The following MCC variants were observed in gnomAD, a reference collection of about 807,000 sequenced individuals.
MCC encodes the protein MCC regulator of Wnt signaling pathway.
In MCC, 90 loss-of-function variants were observed where a neutral mutation model predicts 116.2. That is an observed-to-expected ratio of 0.77 (90% confidence interval 0.65 to 0.92). The LOEUF is 0.92. Ranked by LOEUF, MCC falls within the 40% of genes least tolerant of loss-of-function variation. The pLI is 0.00. For missense variants in MCC, 1,516 were observed against 1,312.2 expected (o/e 1.16, Z -2.40); for synonymous variants, 578 against 510.5 (o/e 1.13, Z -1.78).
At chr5:113,414,637 T>A (rs920989916) in intron 1 of MCC, among the ~76,000 whole-genome samples, 11 of 152,194 alleles carry the variant, frequency 7.2e-5, no homozygotes, top group Non-Finnish European at 1.6e-4. Context: ...CCTCCATCCC[T>A]TTATTTTGAG....
At chr5:113,476,761 G>T (rs1026471611) in intron 1 of MCC, among the ~76,000 whole-genome samples, 2 of 152,144 alleles carry the variant, frequency 1.3e-5, no homozygotes, top group African/African-American at 4.8e-5. Context: ...GGGAAATGAG[G>T]ATGACTGCTA....
At chr5:113,053,353 C>T (rs1349277574) in intron 15 of MCC, among the ~76,000 whole-genome samples, 1 of 152,162 alleles carries the variant, frequency 6.6e-6, no homozygotes, top group Non-Finnish European at 1.5e-5. Context: ...CTGTTCTCCC[C>T]CTGCCGGAGT....
chr5:113,257,867 G>A (rs962823448), intron 3 of MCC, among the ~76,000 whole-genome samples: 10 of 152,322 alleles, frequency 6.6e-5, no homozygotes, highest in African/African-American at 2.4e-4. Context: ...GTTCTATCTA[G>A]AGCACAGGTA....
At chr5:113,099,124 C>T (rs1236523838) in intron 8 of MCC, among the ~76,000 whole-genome samples, 1 of 152,166 alleles carries the variant, frequency 6.6e-6, no homozygotes, top group Non-Finnish European at 1.5e-5. Flanking sequence ...TTTTTGAGAT[C>T]TACACTCATC....
At chr5:113,228,344 C>A (rs1241618895) in intron 3 of MCC, among the ~76,000 whole-genome samples, 1 of 152,136 alleles carries the variant, frequency 6.6e-6, no homozygotes, top group Non-Finnish European at 1.5e-5. Flanking sequence ...CACACACACA[C>A]CACCCCCCGA....
Position 113,259,739 on chromosome 5 carries a change from TG to T in MCC, c.627+80779del, listed in dbSNP as rs373713480. Among the ~76,000 whole-genome samples, 78 of 152,186 alleles carry T rather than the reference TG, an allele frequency of 5.1e-4. No individual in the cohort carries two copies. The South Asian group carries it at 6.2e-3, about 12-fold the overall frequency. On this transcript the variant is annotated intron_variant, in intron 3 of 18. Coordinates refer to ENST00000408903, the MANE Select transcript of MCC (RefSeq NM_001085377.2). ...TTCCATTATTGGAACACTAAGCTTG[TG>T]GGAGTTATTTATATACTACTGCTCA...
intron 3 of MCC, among the ~76,000 whole-genome samples, chr5:113,203,883 G>A (rs1762798307): frequency 6.6e-6 from 1 of 152,140 alleles, no homozygotes; most frequent in Non-Finnish European, 1.5e-5. Flanking sequence ...TAATTTATAA[G>A]AAGGCTTTAA....
In MCC at chr5:113,067,958, A is replaced by T. The variant is rs1753737901; in HGVS notation, c.2029+122T>A. ...ATTCAGTCATGAGGAAAAACGAAAAACACACTTGACAACCAAATTTTGTGT... is the reference window on the plus strand; with the variant it reads ...ATTCAGTCATGAGGAAAAACGAAAATCACACTTGACAACCAAATTTTGTGT... On this transcript the variant is annotated intron_variant, in intron 13 of 18. Coordinates refer to ENST00000408903, the MANE Select transcript of MCC (RefSeq NM_001085377.2). 11 of 792,752 alleles carry T rather than the reference A, an allele frequency of 1.4e-5. No homozygotes were observed. In the South Asian group the frequency reaches 1.5e-4, roughly 11 times the overall value. The allele number at this position is 792,752 out of a possible 1,614,324, so 49.1% of individuals were successfully genotyped here.
intron 3 of MCC, among the ~76,000 whole-genome samples, chr5:113,232,121 A>G (rs1485925461): frequency 6.6e-6 from 1 of 152,208 alleles, no homozygotes; most frequent in Non-Finnish European, 1.5e-5. Context: ...ACTCTAAAAT[A>G]AAAGCAAAAA....
intron 3 of MCC, among the ~76,000 whole-genome samples, chr5:113,162,952 T>C (rs1029164948): frequency 6.6e-6 from 1 of 152,210 alleles, no homozygotes; most frequent in African/African-American, 2.4e-5. Flanking sequence ...ATTCAACACA[T>C]TGGAGCCTAG....
chr5:113,194,294 T>C (rs1013147227), intron 3 of MCC, among the ~76,000 whole-genome samples: 7 of 152,168 alleles, frequency 4.6e-5, no homozygotes, highest in Non-Finnish European at 8.8e-5. Context: ...CAAAACACTC[T>C]TGAGAAACGT....
At chr5:113,209,659 C>G (rs1185243756) in intron 3 of MCC, among the ~76,000 whole-genome samples, 1 of 152,158 alleles carries the variant, frequency 6.6e-6, no homozygotes, top group Non-Finnish European at 1.5e-5. Flanking sequence ...CAAGACACCA[C>G]TGAACTCAGA....
At chr5:113,348,991 C>G (rs1053774116) in intron 2 of MCC, among the ~76,000 whole-genome samples, 4 of 151,898 alleles carry the variant, frequency 2.6e-5, no homozygotes, top group African/African-American at 9.7e-5. Context: ...TACAACTTAC[C>G]AAGATTGAAC....
intron 1 of MCC, among the ~76,000 whole-genome samples, chr5:113,445,574 C>G (rs572494678): frequency 2.0e-4 from 30 of 152,202 alleles, no homozygotes; most frequent in African/African-American, 7.0e-4. Flanking sequence ...CACTATAAAA[C>G]ACTGCTGAAA....
chr5:113,116,141 T>G (rs1241358251), intron 6 of MCC, among the ~76,000 whole-genome samples: 1 of 152,182 alleles, frequency 6.6e-6, no homozygotes. Context: ...TCTCCTGCCC[T>G]TGACAGCAAA....
At chr5:113,333,435 A>G (rs1310896972) in intron 3 of MCC, among the ~76,000 whole-genome samples, 1 of 151,702 alleles carries the variant, frequency 6.6e-6, no homozygotes, top group Admixed American at 6.6e-5. Context: ...CAGAGGAGCA[A>G]AACTTGCTAT....
intron 3 of MCC, among the ~76,000 whole-genome samples, chr5:113,244,993 T>C (rs1420256452): frequency 1.3e-5 from 2 of 152,198 alleles, no homozygotes; most frequent in African/African-American, 4.8e-5. Context: ...TCCACAGAAG[T>C]GCCATATTAA....
rs578021826 is a variant in MCC at position 113,081,069 on chromosome 5, G to C, written c.1784+1791C>G. On this transcript the variant is annotated intron_variant, in intron 11 of 18. Coordinates refer to ENST00000408903, the MANE Select transcript of MCC (RefSeq NM_001085377.2). ...GAAGGAAAACATTTTGGTGGGTAGGGATGACCCCCCCTCCCCTGCCAATCA... is the reference window on the plus strand; with the variant it reads ...GAAGGAAAACATTTTGGTGGGTAGGCATGACCCCCCCTCCCCTGCCAATCA... Among the ~76,000 whole-genome samples, 4 of 152,280 alleles carry C rather than the reference G, an allele frequency of 2.6e-5. No homozygotes were observed. The East Asian group carries it at 7.7e-4, about 29-fold the overall frequency.
intron 3 of MCC, among the ~76,000 whole-genome samples, chr5:113,176,822 T>C (rs1761359146): frequency 6.6e-6 from 1 of 152,120 alleles, no homozygotes; most frequent in Non-Finnish European, 1.5e-5. Flanking sequence ...CTCACAAATC[T>C]TTCTGGAAAC....
Sources: allele counts gnomAD v4.1 joint callset (sites outside exome capture counted in the v4.1 genomes callset), GRCh38; gene constraint gnomAD v4.1.1; transcripts MANE v1.5; gene names NCBI Gene and HGNC (gene_info 2026-07-23, HGNC 2026-07-21).